HIPK1: variants seen among roughly 807,000 people sequenced by gnomAD.
HIPK1 encodes the protein homeodomain-interacting protein kinase 1.
Under a neutral mutation model 117.1 loss-of-function variants are expected in HIPK1, and 28 were observed. The ratio of observed to expected loss-of-function variants is 0.24; its 90% confidence interval spans 0.18 to 0.33. The LOEUF is 0.33. HIPK1 is among the 10% of genes least tolerant of loss of function. The pLI is 1.00. For missense variants in HIPK1, 1,122 were observed against 1,475.1 expected (o/e 0.76, Z 3.92); for synonymous variants, 605 against 562.5 (o/e 1.08, Z -1.07).
Position 113,967,927 on chromosome 1 carries a change from A to G in HIPK1, c.2543A>G (p.Gln848Arg), listed in dbSNP as rs1454911497. 1.9e-6 allele frequency: 3 copies of G among 1,605,404 alleles called. No homozygotes were observed. The African/African-American group carries it at 4.0e-5, about 22-fold the overall frequency. The change falls in exon 12 of 16, where the codon CAG becomes CGG. Residue 848 changes from glutamine to arginine, a missense_variant. Coordinates refer to ENST00000426820, the MANE Select transcript of HIPK1 (RefSeq NM_198268.3). ...SSSLPSKKNK[Q>R]SAPVSSKSSL... ...TCCCTCCCTTCGAAGAAGAATAAGC[A>G]GTCAGCTCCAGTCTCTTCCAAGTGA...
intron 7 of HIPK1, among the ~76,000 whole-genome samples, 164 bp from the exon 8 acceptor site, chr1:113,957,902 T>C (rs1671832253): frequency 6.6e-6 from 1 of 152,090 alleles, no homozygotes; most frequent in Non-Finnish European, 1.5e-5. Context: ...ATGCCTTCAA[T>C]TTAGGGACTA....
intron 2 of HIPK1, among the ~76,000 whole-genome samples, chr1:113,944,597 G>C (rs12073850): frequency 6.6e-6 from 1 of 150,544 alleles, no homozygotes; most frequent in Non-Finnish European, 1.5e-5. Flanking sequence ...AGTTCTCCTA[G>C]CTTGGCCTCC....
At chr1:113,958,320 G>GT in intron 8 of HIPK1, 29 bp downstream of exon 8, 1 of 1,502,324 alleles carries the variant, frequency 6.7e-7, no homozygotes, top group Non-Finnish European at 9.2e-7. Context: ...GTATCATATG[G>GT]TATTGTATCA....
rs763497316 is a variant in HIPK1 at position 113,973,301 on chromosome 1, A to G, written c.3422A>G (p.His1141Arg). Residue 1141 changes from histidine to arginine, a missense_variant, in exon 16 of 16, where the codon CAT (histidine) becomes CGT (arginine). This residue lies in a region of HIPK1 where 731 missense variants were observed against 860.4 expected (regional missense o/e 0.85). Coordinates refer to ENST00000426820, the MANE Select transcript of HIPK1 (RefSeq NM_198268.3). ...TTCTCCCCACAGGGTTCCTCAAGGC[A>G]TGCTGCAGCCTATACCACTCACCCT... ...HLFSPQGSSR[H>R]AAAYTTHPST... 5 of 1,613,994 alleles carry G rather than the reference A, an allele frequency of 3.1e-6. No homozygotes were observed. The South Asian group carries it at 4.4e-5, about 14-fold the overall frequency.
intron 1 of HIPK1, among the ~76,000 whole-genome samples, chr1:113,931,936 A>G (rs1018510357): frequency 3.9e-5 from 6 of 152,194 alleles, no homozygotes; most frequent in South Asian, 2.1e-4. Flanking sequence ...AAAATTTACT[A>G]TTATTCCTCC....
rs1571741273 is a variant in HIPK1, at chr1:113,973,674, C to T, written c.*162C>T. 1 of 724,198 alleles carries T rather than the reference C, an allele frequency of 1.4e-6. No individual in the cohort carries two copies. Among genetic ancestry groups the T allele is most frequent in the Non-Finnish European group, 2.1e-6 (1 of 465,416 alleles). 44.9% of individuals were successfully genotyped at this position (724,198 alleles called of 1,614,324 possible). ...GCAGAAGGTTTTTCTCTGGGGGAACCTGTCTCAGTGTTGACTGCATTGTTG... is the reference window on the plus strand; with the variant it reads ...GCAGAAGGTTTTTCTCTGGGGGAACTTGTCTCAGTGTTGACTGCATTGTTG... On this transcript the variant is annotated 3_prime_UTR_variant, in exon 16 of 16. Coordinates refer to ENST00000426820, the MANE Select transcript of HIPK1 (RefSeq NM_198268.3).
intron 15 of HIPK1, 99 bp from the exon 16 acceptor site, chr1:113,972,925 G>A (rs1010617547): frequency 3.6e-5 from 49 of 1,363,872 alleles, no homozygotes; most frequent in Non-Finnish European, 4.5e-5. Flanking sequence ...ATACCCATTC[G>A]AAAACAGTAC....
chr1:113,953,065 G>A (rs192620412), intron 3 of HIPK1, among the ~76,000 whole-genome samples, 176 bp downstream of exon 3: 2 of 151,980 alleles, frequency 1.3e-5, no homozygotes, highest in African/African-American at 4.8e-5. Flanking sequence ...TGCTTCTTAG[G>A]CTAAAGTATG....
intron 2 of HIPK1, among the ~76,000 whole-genome samples, chr1:113,951,945 CTTT>C (rs34394248): frequency 4.5e-5 from 5 of 110,668 alleles, no homozygotes; most frequent in Non-Finnish European, 5.3e-5. Context: ...TTGACCAGGG[CTTT>C]TTTTTTTTTT....
chr1:113,969,896 GACGCTGTC>G (rs1005377284), intron 13 of HIPK1, 52 bp from the exon 14 acceptor site: 1 of 1,583,706 alleles, frequency 6.3e-7, no homozygotes, highest in African/African-American at 1.3e-5. Flanking sequence ...GACAGAACAA[GACGCTGTC>G]ACACACACAA....
chr1:113,946,927 C>T (rs997474628), intron 2 of HIPK1, among the ~76,000 whole-genome samples: 1 of 152,178 alleles, frequency 6.6e-6, no homozygotes, highest in African/African-American at 2.4e-5. Context: ...CTAGTTTTAC[C>T]CGCAGTGGTC....
At chr1:113,961,055 T>C (rs553821664) in intron 8 of HIPK1, among the ~76,000 whole-genome samples, 1 of 152,336 alleles carries the variant, frequency 6.6e-6, no homozygotes, top group East Asian at 1.9e-4. Flanking sequence ...CATTAGTGAA[T>C]TGGAAATATA....
At chr1:113,930,115 GCCGCTGAGGGGATTGCCTT>G (rs1295182877) in intron 1 of HIPK1, among the ~76,000 whole-genome samples, 2 of 152,226 alleles carry the variant, frequency 1.3e-5, no homozygotes, top group African/African-American at 2.4e-5. Flanking sequence ...GCCGCTCACT[GCCGCTGAGGGGATTGCCTT>G]CCCAGGAAGG....
rs1428643791 is a variant in HIPK1 at position 113,941,057 on chromosome 1, C to T, written c.674C>T (p.Pro225Leu). ...GCTATTAAAATCTTGAAGAACCACC[C>T]CTCCTATGCCAGACAAGGACAGATT... ...IVAIKILKNH[P>L]SYARQGQIEV... is the part of the protein sequence containing the mutation. The change falls in exon 2 of 16, where the codon CCC (proline) becomes CTC (leucine). Residue 225 changes from proline (P) to leucine (L), a missense_variant. Around this residue, in one of 6 missense-constraint regions of HIPK1, gnomAD observed 62 missense variants for 121.5 expected, o/e 0.51. Transcript: ENST00000426820. This position sits in a 1 kb window ranked among gnomAD's most constrained non-coding sequence, Gnocchi z 4.9. The T allele has an allele frequency of 6.2e-7, 1 of 1,614,082 alleles. No individual in the cohort carries two copies. The highest frequency in any genetic ancestry group is 8.5e-7 in the Non-Finnish European group (1 of 1,180,062).
intron 5 of HIPK1, 125 bp downstream of exon 5, chr1:113,955,774 C>A: frequency 1.8e-6 from 1 of 556,230 alleles, no homozygotes; most frequent in Non-Finnish European, 3.2e-6. Flanking sequence ...ATAAAAAATG[C>A]ATTAATATTC....
At chr1:113,960,002 G>C (rs1671991466) in intron 8 of HIPK1, among the ~76,000 whole-genome samples, 1 of 152,130 alleles carries the variant, frequency 6.6e-6, no homozygotes, top group Non-Finnish European at 1.5e-5. Context: ...ACCATGATTT[G>C]AACCCAGGCA....
rs1241779948 is a variant in HIPK1, at chr1:113,941,536, A to T, written c.1076+77A>T. 3 of 1,084,890 alleles carry T rather than the reference A, an allele frequency of 2.8e-6. No homozygotes were observed. The highest frequency in any genetic ancestry group is 4.7e-5 in the East Asian group (2 of 42,166). The allele number at this position is 1,084,890 out of a possible 1,614,324, so 67.2% of individuals were successfully genotyped here. A position where few individuals can be genotyped will look rare whatever the true frequency, so the allele number is the denominator to read the frequency against. The stretch of plus-strand genomic sequence containing the variant: ...ATTTAACATATACCCCGTAGGCTAC[A>T]TATAGCAATGAATTTGTTTATAGAT... On this transcript the variant is annotated intron_variant, in intron 2 of 15. Coordinates refer to ENST00000426820, the MANE Select transcript of HIPK1 (RefSeq NM_198268.3). This position sits in a 1 kb window ranked among gnomAD's most constrained non-coding sequence, Gnocchi z 4.9.
chr1:113,971,795 C>G (rs548659782), intron 14 of HIPK1, 29 bp from the exon 15 acceptor site: 1 of 1,582,356 alleles, frequency 6.3e-7, no homozygotes, highest in South Asian at 1.2e-5. Context: ...GATGTCTACT[C>G]ATAACTATTA....
chr1:113,929,639 G>C (rs996222323), intron 1 of HIPK1, 107 bp downstream of exon 1: 5 of 1,050,226 alleles, frequency 4.8e-6, no homozygotes, highest in Non-Finnish European at 5.0e-6. Context: ...CGACAACGGC[G>C]GCTGCGGAGC....
Sources: allele counts gnomAD v4.1 joint callset (sites outside exome capture counted in the v4.1 genomes callset), GRCh38; gene constraint gnomAD v4.1.1; regional missense constraint gnomAD v4.1.1; non-coding constraint Gnocchi (gnomAD v3.1); transcripts MANE v1.5; gene names NCBI Gene and HGNC (gene_info 2026-07-23, HGNC 2026-07-21).